The following GRIP1 variants were observed in gnomAD, a reference collection of about 807,000 sequenced individuals.
The protein encoded by GRIP1 is glutamate receptor-interacting protein 1.
Under a neutral mutation model 129.9 loss-of-function variants are expected in GRIP1, and 45 were observed. That is an observed-to-expected ratio of 0.35 (90% CI 0.27 to 0.44). GRIP1 has a LOEUF of 0.44. Ranked by LOEUF, GRIP1 falls within the 20% of genes least tolerant of loss-of-function variation. The pLI, the probability that GRIP1 is intolerant of heterozygous loss-of-function variation, is 1.00. For missense variants in GRIP1, 1,196 were observed against 1,396.8 expected, an observed-to-expected ratio of 0.86 and a Z score of 2.29; for synonymous variants, 530 against 520.8, an observed-to-expected ratio of 1.02 and a Z score of -0.24.
At chr12:67,023,508 C>A (rs781404688) in intron 1 of GRIP1, among the ~76,000 whole-genome samples, 13 of 152,034 alleles carry the variant, frequency 8.6e-5, no homozygotes, top group Non-Finnish European at 1.8e-4. Flanking sequence ...GATGCTGATA[C>A]CATACTGTCT....
intron 2 of GRIP1, among the ~76,000 whole-genome samples, chr12:66,562,992 G>A (rs962242041): frequency 2.6e-5 from 4 of 151,462 alleles, no homozygotes; most frequent in African/African-American, 9.7e-5. Flanking sequence ...TCTTCTTCAC[G>A]TTAGGTAGGC....
intron 1 of GRIP1, among the ~76,000 whole-genome samples, chr12:66,732,425 C>A (rs919781791): frequency 6.6e-6 from 1 of 152,026 alleles, no homozygotes; most frequent in Non-Finnish European, 1.5e-5. Flanking sequence ...TGTTGGTGCA[C>A]ACCTGTAGTC....
chr12:66,737,740 C>T (rs1001519986), intron 1 of GRIP1, among the ~76,000 whole-genome samples: 2 of 152,040 alleles, frequency 1.3e-5, no homozygotes, highest in African/African-American at 4.8e-5. Flanking sequence ...TTTTATTTTG[C>T]CCATTCTTTC....
At chr12:66,865,429 A>G (rs2040186468) in intron 1 of GRIP1, among the ~76,000 whole-genome samples, 3 of 152,144 alleles carry the variant, frequency 2.0e-5, no homozygotes, top group East Asian at 1.9e-4. Flanking sequence ...TAAGAAGCCA[A>G]TAAGACAGAC....
chr12:66,664,972 A>G (rs1438070819), intron 1 of GRIP1, among the ~76,000 whole-genome samples: 4 of 151,980 alleles, frequency 2.6e-5, no homozygotes, highest in Non-Finnish European at 5.9e-5. Context: ...ACTTCTGAAA[A>G]TACCAGAATA....
At chr12:66,939,697 C>CA (rs927388518) in intron 1 of GRIP1, among the ~76,000 whole-genome samples, 187 of 146,002 alleles carry the variant, frequency 1.3e-3, no homozygotes, top group African/African-American at 4.4e-3. Flanking sequence ...TTTCGTCTGC[C>CA]AAAAAAAAAA....
intron 1 of GRIP1, among the ~76,000 whole-genome samples, chr12:66,984,075 G>A (rs2042275990): frequency 6.6e-6 from 1 of 152,154 alleles, no homozygotes; most frequent in African/African-American, 2.4e-5. Flanking sequence ...CCCGGGAGAA[G>A]CAAAGCCACA....
chr12:66,778,863 T>C (rs989421908), intron 1 of GRIP1, among the ~76,000 whole-genome samples: 1 of 152,180 alleles, frequency 6.6e-6, no homozygotes, highest in Admixed American at 6.5e-5. Flanking sequence ...CTGTGGAGCT[T>C]GTACCAACAC....
At chr12:66,374,416 G>A (rs575339573) in intron 22 of GRIP1, among the ~76,000 whole-genome samples, 2 of 152,170 alleles carry the variant, frequency 1.3e-5, no homozygotes, top group South Asian at 2.1e-4. Flanking sequence ...TCAAACTCCT[G>A]ACCTCAGGTG....
intron 23 of GRIP1, among the ~76,000 whole-genome samples, chr12:66,365,766 G>A (rs1298704178): frequency 6.6e-6 from 1 of 152,188 alleles, no homozygotes; most frequent in African/African-American, 2.4e-5. Flanking sequence ...TGGCTTTATG[G>A]CAGCCATCTG....
intron 7 of GRIP1, among the ~76,000 whole-genome samples, chr12:66,486,784 A>G (rs981749148): frequency 1.3e-5 from 1 of 77,412 alleles, no homozygotes; most frequent in Non-Finnish European, 2.4e-5. Flanking sequence ...AAGAAAAAGC[A>G]GGTCTCAATT....
intron 1 of GRIP1, among the ~76,000 whole-genome samples, chr12:66,845,633 T>TA (rs1221634348): frequency 6.6e-6 from 1 of 152,158 alleles, no homozygotes; most frequent in Admixed American, 6.5e-5. Context: ...ACTGCAGACT[T>TA]ACAACGTATC....
intron 1 of GRIP1, among the ~76,000 whole-genome samples, chr12:66,752,386 A>G (rs1170549699): frequency 6.6e-6 from 1 of 152,204 alleles, no homozygotes; most frequent in Non-Finnish European, 1.5e-5. Context: ...GCATAAAATA[A>G]CATTTAGTTT....
At chr12:66,712,656 T>C (rs2035747933) in intron 1 of GRIP1, among the ~76,000 whole-genome samples, 1 of 152,008 alleles carries the variant, frequency 6.6e-6, no homozygotes, top group Non-Finnish European at 1.5e-5. Flanking sequence ...CTTTATAGAA[T>C]TGAGGTCAAA....
intron 5 of GRIP1, among the ~76,000 whole-genome samples, chr12:66,524,477 CA>C (rs1253955590): frequency 2.0e-5 from 3 of 151,912 alleles, no homozygotes; most frequent in Non-Finnish European, 4.4e-5. Flanking sequence ...TCTTTGAAAC[CA>C]ATGAGAACAA....
intron 1 of GRIP1, among the ~76,000 whole-genome samples, chr12:66,709,563 G>A (rs2035646060): frequency 6.6e-6 from 1 of 151,894 alleles, no homozygotes; most frequent in Non-Finnish European, 1.5e-5. Context: ...ATGACAGGGA[G>A]TTGTTCCTAG....
chr12:66,608,345 G>T (rs528257028), intron 1 of GRIP1, among the ~76,000 whole-genome samples: 1 of 152,134 alleles, frequency 6.6e-6, no homozygotes, highest in East Asian at 1.9e-4. Flanking sequence ...TTGTTTGTTT[G>T]TTTGTTTTCA....
At chr12:66,702,353 T>C (rs578013207) in intron 1 of GRIP1, among the ~76,000 whole-genome samples, 2 of 152,282 alleles carry the variant, frequency 1.3e-5, no homozygotes, top group East Asian at 1.9e-4. Flanking sequence ...TTATATTTCC[T>C]CCCCAAATTT....
intron 1 of GRIP1, among the ~76,000 whole-genome samples, chr12:66,913,837 CATATCATTTAATGTTAAAA>C (rs1020291806): frequency 6.6e-6 from 1 of 152,134 alleles, no homozygotes; most frequent in African/African-American, 2.4e-5. Context: ...TTATACTGTT[CATATCATTTAATGTTAAAA>C]ATAGTCTGTT....
Sources: gnomAD v4.1 joint callset for allele counts (sites outside exome capture counted in the v4.1 genomes callset) on GRCh38, gnomAD v4.1.1 for gene constraint, MANE v1.5 for transcripts, NCBI Gene and HGNC (gene_info 2026-07-23, HGNC 2026-07-21) for gene names.